Variants in DPYD observed in about 807,000 individuals in gnomAD.
DPYD encodes the protein dihydropyrimidine dehydrogenase [NADP(+)].
DPYD carries 109 observed loss-of-function variants against 116.2 expected under a neutral mutation model. The ratio of observed to expected loss-of-function variants is 0.94; its 90% CI spans 0.80 to 1.10. DPYD has a LOEUF of 1.10. Among genes scored for constraint, DPYD ranks in the 50% least tolerant of loss-of-function variants. The probability of loss-of-function intolerance (pLI) is 0.00; values close to 1 mark genes in which losing one functional copy is unlikely to be tolerated. For synonymous variants in DPYD, 440 were observed against 432.0 expected (o/e 1.02, Z -0.23); for missense variants, 1,302 against 1,254.5 (o/e 1.04, Z -0.57).
At chr1:97,397,311 T>C (rs1673068784) in intron 14 of DPYD, among the ~76,000 whole-genome samples, 1 of 152,004 alleles carries the variant, frequency 6.6e-6, no homozygotes. Context: ...CACATATGTA[T>C]GACAGATATA....
At chr1:97,660,601 G>A (rs1244074736) in intron 8 of DPYD, among the ~76,000 whole-genome samples, 1 of 151,972 alleles carries the variant, frequency 6.6e-6, no homozygotes, top group African/African-American at 2.4e-5. Context: ...TTCCTGGAGA[G>A]GACTCAAGGT....
intron 10 of DPYD, among the ~76,000 whole-genome samples, chr1:97,578,111 A>G (rs1349434295): frequency 6.6e-6 from 1 of 151,962 alleles, no homozygotes; most frequent in Non-Finnish European, 1.5e-5. Flanking sequence ...CTCCCAAAGT[A>G]CTGGGAATAC....
intron 3 of DPYD, among the ~76,000 whole-genome samples, chr1:97,780,051 A>C (rs1666648008): frequency 6.6e-6 from 1 of 152,202 alleles, no homozygotes; most frequent in Non-Finnish European, 1.5e-5. Flanking sequence ...AAATCAAGTT[A>C]TGTTTTATAA....
chr1:97,595,742 A>T (rs1269735620), intron 8 of DPYD, among the ~76,000 whole-genome samples: 1 of 151,888 alleles, frequency 6.6e-6, no homozygotes, highest in East Asian at 1.9e-4. Context: ...TAAATTCTCC[A>T]AATCAGTAAG....
At chr1:97,443,680 A>G (rs1357462457) in intron 14 of DPYD, among the ~76,000 whole-genome samples, 1 of 152,242 alleles carries the variant, frequency 6.6e-6, no homozygotes, top group African/African-American at 2.4e-5. Context: ...ATAAGTAACA[A>G]AAGTAATTAT....
rs764679468 is a variant in DPYD, at chr1:97,098,524, A to C, written c.2731T>G (p.Cys911Gly). ...GGAATAGGCCTTTTGGGGATAAAACAGTTTCTCTTAAGTGGTGAAAAAGCT... is the reference window on the plus strand; with the variant it reads ...GGAATAGGCCTTTTGGGGATAAAACCGTTTCTCTTAAGTGGTGAAAAAGCT... ...NVAFSPLKRN[C>G]FIPKRPIPTI... The change falls in exon 21 of 23, where the codon TGT becomes GGT. Residue 911 changes from cysteine to glycine, a missense_variant. By Grantham distance (159) the Cys-to-Gly change is radical. Transcript: ENST00000370192. 3 of 1,613,062 alleles carry C rather than the reference A, an allele frequency of 1.9e-6. No individual in the cohort carries two copies. The highest frequency in any genetic ancestry group is 1.7e-6 in the Non-Finnish European group (2 of 1,179,384).
chr1:97,314,511 T>C (rs922870988), intron 16 of DPYD, among the ~76,000 whole-genome samples: 2 of 138,680 alleles, frequency 1.4e-5, no homozygotes, highest in Admixed American at 7.6e-5. Context: ...TTTTTTTTTT[T>C]ACAAATGGAC....
In DPYD at chr1:97,843,275, T is replaced by G. The variant is rs562734947; in HGVS notation, c.151-15079A>C. Among the ~76,000 whole-genome samples, 18 of 152,250 alleles carry G rather than the reference T, an allele frequency of 1.2e-4. No homozygotes were observed. In the South Asian group the frequency reaches 3.7e-3, roughly 32 times the overall value. Reference sequence around the variant, plus strand: ...AAAATATTGCTTTACAGCTTCTCACTATAGCAATAACTCACCCCTACACCT... The same window carrying G: ...AAAATATTGCTTTACAGCTTCTCACGATAGCAATAACTCACCCCTACACCT... On this transcript the variant is annotated intron_variant, in intron 2 of 22. Transcript: ENST00000370192.
At chr1:97,409,215 T>A (rs1432637280) in intron 14 of DPYD, among the ~76,000 whole-genome samples, 1 of 152,176 alleles carries the variant, frequency 6.6e-6, no homozygotes, top group African/African-American at 2.4e-5. Context: ...AGATTTTAAA[T>A]TCCCCAAATA....
intron 5 of DPYD, among the ~76,000 whole-genome samples, chr1:97,709,881 T>C (rs1218203208): frequency 6.6e-6 from 1 of 151,862 alleles, no homozygotes; most frequent in African/African-American, 2.4e-5. Context: ...CCTCAATTAC[T>C]CTGTTTGTTC....
intron 8 of DPYD, among the ~76,000 whole-genome samples, chr1:97,632,101 TC>T (rs1005408840): frequency 6.6e-6 from 1 of 151,952 alleles, no homozygotes; most frequent in Non-Finnish European, 1.5e-5. Flanking sequence ...CAATGCATTT[TC>T]CCCCCAGCAT....
At chr1:97,600,290 T>C (rs772171475) in intron 8 of DPYD, among the ~76,000 whole-genome samples, 4 of 152,184 alleles carry the variant, frequency 2.6e-5, no homozygotes, top group East Asian at 1.9e-4. Flanking sequence ...TCACATGTTA[T>C]GTTACTCAGT....
At chr1:97,622,809 T>C (rs1186069923) in intron 8 of DPYD, among the ~76,000 whole-genome samples, 1 of 152,032 alleles carries the variant, frequency 6.6e-6, no homozygotes, top group Non-Finnish European at 1.5e-5. Flanking sequence ...TACAAGACTG[T>C]ATATAATTAG....
At chr1:97,279,595 C>T (rs915686157) in intron 18 of DPYD, among the ~76,000 whole-genome samples, 10 of 152,192 alleles carry the variant, frequency 6.6e-5, no homozygotes, top group Non-Finnish European at 1.3e-4. Context: ...ACCGCAACCT[C>T]CGCCTCCGGA....
intron 3 of DPYD, among the ~76,000 whole-genome samples, chr1:97,755,483 T>C (rs143671599): frequency 1.3e-3 from 194 of 152,276 alleles, no homozygotes; most frequent in African/African-American, 4.4e-3. Context: ...CATGTAAGCA[T>C]GTTTTGTCTC....
chr1:97,232,336 T>C (rs1003003633), intron 19 of DPYD, among the ~76,000 whole-genome samples: 1 of 152,224 alleles, frequency 6.6e-6, no homozygotes, highest in Non-Finnish European at 1.5e-5. Context: ...TTTATCTTTT[T>C]CTTCAGTTTT....
intron 16 of DPYD, among the ~76,000 whole-genome samples, chr1:97,318,454 T>C (rs1042661112): frequency 1.3e-5 from 2 of 151,292 alleles, no homozygotes; most frequent in Non-Finnish European, 2.9e-5. Context: ...AAACAGATTG[T>C]AAACCAACAA....
At chr1:97,430,260 A>T (rs1675100654) in intron 14 of DPYD, among the ~76,000 whole-genome samples, 1 of 152,148 alleles carries the variant, frequency 6.6e-6, no homozygotes, top group Non-Finnish European at 1.5e-5. Context: ...ATGAGAATGA[A>T]GTCGTACCCT....
At chr1:97,525,741 T>C (rs1348249797) in intron 12 of DPYD, among the ~76,000 whole-genome samples, 3 of 136,024 alleles carry the variant, frequency 2.2e-5, no homozygotes, top group Non-Finnish European at 4.7e-5. Flanking sequence ...GAAGAGTAAG[T>C]AATTGCCCTG....
Sources: gnomAD v4.1 joint callset for allele counts (sites outside exome capture counted in the v4.1 genomes callset) on GRCh38, gnomAD v4.1.1 for gene constraint, MANE v1.5 for transcripts, NCBI Gene and HGNC (gene_info 2026-07-23, HGNC 2026-07-21) for gene names.